The following LPIN2 variants were observed in gnomAD, a reference collection of about 807,000 sequenced individuals.
LPIN2 encodes phosphatidate phosphatase LPIN2.
LPIN2 carries 55 observed loss-of-function variants against 111.4 expected under a neutral mutation model. The observed-to-expected ratio is 0.49, with a 90% CI of 0.40 to 0.62. LPIN2 has a LOEUF of 0.62. Ranked by LOEUF, LPIN2 falls within the 20% of genes least tolerant of loss-of-function variation. The pLI, the probability that LPIN2 is intolerant of heterozygous loss-of-function variation, is 0.00. For synonymous variants in LPIN2, 425 were observed against 414.0 expected, an observed-to-expected ratio of 1.03 and a Z score of -0.32; for missense variants, 992 against 1,112.1, an observed-to-expected ratio of 0.89 and a Z score of 1.54.
intron 1 of LPIN2, among the ~76,000 whole-genome samples, chr18:2,998,683 G>T (rs1280202206): frequency 8.5e-5 from 2 of 23,518 alleles, no homozygotes; most frequent in Non-Finnish European, 3.6e-4. Flanking sequence ...ATACATGACA[G>T]ATTTTTTTTT....
At chr18:2,983,526 C>G (rs2143385874) in intron 1 of LPIN2, among the ~76,000 whole-genome samples, 1 of 152,236 alleles carries the variant, frequency 6.6e-6, no homozygotes, top group South Asian at 2.1e-4. Context: ...TATTAGATTT[C>G]TGAATTAAGA....
intron 1 of LPIN2, among the ~76,000 whole-genome samples, chr18:2,991,323 T>C (rs1436994534): frequency 1.3e-5 from 2 of 152,198 alleles, no homozygotes; most frequent in African/African-American, 4.8e-5. Context: ...GGAAAATATA[T>C]GTTAGAAAGA....
intron 1 of LPIN2, among the ~76,000 whole-genome samples, chr18:2,977,758 A>G (rs1029179244): frequency 6.6e-5 from 10 of 152,244 alleles, no homozygotes; most frequent in African/African-American, 2.4e-4. Context: ...ATTAATATAT[A>G]AGTGAGAAAT....
intron 1 of LPIN2, among the ~76,000 whole-genome samples, chr18:2,966,315 G>A (rs558369993): frequency 1.4e-4 from 21 of 152,106 alleles, no homozygotes; most frequent in African/African-American, 4.6e-4. Context: ...ATATCTAATC[G>A]GTACTAGTAT....
At chr18:2,954,733 C>A in intron 2 of LPIN2, 134 bp from the exon 3 acceptor site, 1 of 724,398 alleles carries the variant, frequency 1.4e-6, no homozygotes, top group East Asian at 2.7e-5. Context: ...CTGAGAAACA[C>A]TGCTACTTGC....
At chr18:3,006,129 T>C (rs1028312313) in intron 1 of LPIN2, among the ~76,000 whole-genome samples, 1 of 152,166 alleles carries the variant, frequency 6.6e-6, no homozygotes, top group Non-Finnish European at 1.5e-5. Flanking sequence ...ATACTTTACG[T>C]AAAAAACTTA....
intron 2 of LPIN2, among the ~76,000 whole-genome samples, chr18:2,958,166 A>AAAAAAAAAC (rs1568571302): frequency 6.8e-6 from 1 of 146,004 alleles, no homozygotes; most frequent in African/African-American, 2.5e-5. Context: ...AACAACAAAA[A>AAAAAAAAAC]AAAAAAACAG....
chr18:2,964,466 T>C (rs574435582), intron 1 of LPIN2, among the ~76,000 whole-genome samples: 5 of 152,142 alleles, frequency 3.3e-5, no homozygotes, highest in African/African-American at 1.2e-4. Context: ...GGGTGGAGCC[T>C]CCATGTGATG....
At chr18:2,961,217 C>T (rs920126929) in intron 1 of LPIN2, among the ~76,000 whole-genome samples, 8 of 152,178 alleles carry the variant, frequency 5.3e-5, no homozygotes, top group African/African-American at 1.7e-4. Context: ...TTGGAACCTG[C>T]GGCTACTGCA....
chr18:2,964,095 A>G (rs2077751447), intron 1 of LPIN2, among the ~76,000 whole-genome samples: 1 of 151,632 alleles, frequency 6.6e-6, no homozygotes, highest in African/African-American at 2.4e-5. Flanking sequence ...CAGCCTGGCC[A>G]ACACGGTGAA....
At position 2,920,280 on chromosome 18, in the gene LPIN2, C is replaced by T; in HGVS notation, c.*13G>A. On this transcript the variant is annotated 3_prime_UTR_variant, in exon 20 of 20. Coordinates refer to ENST00000677752, the MANE Select transcript of LPIN2 (RefSeq NM_001375808.2). ...AGGGGGACCAAGCCCTGCCCACCCA[C>T]TGAGGTGCCGCCTCAAGACAGGTCA... The T allele has an allele frequency of 1.2e-6, 2 of 1,614,056 alleles. No individual in the cohort carries two copies. Among genetic ancestry groups the T allele is most frequent in the Non-Finnish European group, 1.7e-6 (2 of 1,180,030 alleles).
intron 19 of LPIN2, 70 bp from the exon 20 acceptor site, chr18:2,920,507 C>T (rs954604762): frequency 1.0e-5 from 16 of 1,547,036 alleles, no homozygotes; most frequent in African/African-American, 2.7e-5. Flanking sequence ...AGATGGGGGG[C>T]TGTGAAGCTG....
At chr18:2,948,451 A>T (rs1476691017) in intron 4 of LPIN2, 1 of 152,252 alleles carries the variant, frequency 6.6e-6, no homozygotes, top group African/African-American at 2.4e-5. Flanking sequence ...TTCCTTTAGA[A>T]TAATGATTCT....
intron 8 of LPIN2, among the ~76,000 whole-genome samples, chr18:2,932,774 G>C (rs2077229398): frequency 6.6e-6 from 1 of 152,214 alleles, no homozygotes; most frequent in Non-Finnish European, 1.5e-5. Context: ...TCCTTTCTCT[G>C]CTGCCAGTAA....
rs2077010644 is a variant in LPIN2 at position 2,919,086 on chromosome 18, T to C, written c.*1207A>G. 1.3e-5 allele frequency: 2 copies of C among 152,174 alleles called. No individual in the cohort carries two copies. The highest frequency in any genetic ancestry group is 2.9e-5 in the Non-Finnish European group (2 of 68,038). The allele number at this position is 152,174 out of a possible 1,614,324, so 9.4% of individuals were successfully genotyped here. ...GCACACCTTTCCCTGGTGCCATCTC[T>C]TCAGACACGATGTGAGCTCATTACA... On this transcript the variant is annotated 3_prime_UTR_variant, in exon 20 of 20. Coordinates refer to ENST00000677752, the MANE Select transcript of LPIN2 (RefSeq NM_001375808.2).
At chr18:2,992,130 C>T (rs1402644510) in intron 1 of LPIN2, among the ~76,000 whole-genome samples, 2 of 152,126 alleles carry the variant, frequency 1.3e-5, no homozygotes, top group Non-Finnish European at 2.9e-5. Context: ...CCAGTGTTCA[C>T]GGCAGCATTA....
rs556099822 is a variant in LPIN2 at position 2,972,720 on chromosome 18, G to A, written c.-9-11871C>T. Among the ~76,000 whole-genome samples, 209 of 152,260 alleles carry A rather than the reference G, an allele frequency of 1.4e-3. 1 individual carries two copies. Among genetic ancestry groups the A allele is most frequent in the African/African-American group, 4.7e-3 (196 of 41,554 alleles). On this transcript the variant is annotated intron_variant, in intron 1 of 19. Transcript: ENST00000677752. The stretch of plus-strand genomic sequence containing the variant: ...GGCCCCAACTCCCTTCCTCAGCCCC[G>A]ACAACATTCACATGGCCAAACTTGT...
intron 1 of LPIN2, among the ~76,000 whole-genome samples, chr18:2,998,523 A>G (rs1567862199): frequency 6.6e-6 from 1 of 152,094 alleles, no homozygotes; most frequent in East Asian, 1.9e-4. Context: ...TAATGTGGGG[A>G]GGGAGAAAAC....
intron 18 of LPIN2, 54 bp from the exon 19 acceptor site, chr18:2,920,935 C>T (rs147371751): frequency 1.7e-6 from 2 of 1,185,132 alleles, no homozygotes; most frequent in Non-Finnish European, 1.3e-6. Flanking sequence ...TCAGGAGATA[C>T]TTCTCAGGCT....
Sources: allele counts gnomAD v4.1 joint callset (sites outside exome capture counted in the v4.1 genomes callset), GRCh38; gene constraint gnomAD v4.1.1; transcripts MANE v1.5; gene names NCBI Gene and HGNC (gene_info 2026-07-23, HGNC 2026-07-21).